The following SYT14 variants were observed in gnomAD, a reference collection of about 807,000 sequenced individuals.
The protein encoded by SYT14 is synaptotagmin 14.
In SYT14, 32 loss-of-function variants were observed where a neutral mutation model predicts 74.2. That is an observed-to-expected ratio of 0.43 (90% CI 0.33 to 0.58). SYT14 has a LOEUF of 0.58. Among genes scored for constraint, SYT14 ranks in the 20% least tolerant of loss-of-function variants. The pLI, the probability that SYT14 is intolerant of heterozygous loss-of-function variation, is 0.05. For missense variants in SYT14, 791 were observed against 981.8 expected (o/e 0.81, Z 2.60); for synonymous variants, 298 against 337.7 (o/e 0.88, Z 1.29).
chr1:210,112,472 T>C (rs2082281840), intron 7 of SYT14, among the ~76,000 whole-genome samples: 1 of 151,386 alleles, frequency 6.6e-6, no homozygotes, highest in East Asian at 1.9e-4. Flanking sequence ...CGGAAGGAGA[T>C]ACTTTCCTTG....
At chr1:210,116,064 A>C (rs1048914185) in intron 7 of SYT14, among the ~76,000 whole-genome samples, 1 of 151,434 alleles carries the variant, frequency 6.6e-6, no homozygotes, top group Non-Finnish European at 1.5e-5. Flanking sequence ...TCAGTGGGGG[A>C]GCTTCTGAGC....
At chr1:210,084,794 C>T (rs1281809266) in intron 5 of SYT14, among the ~76,000 whole-genome samples, 1 of 152,210 alleles carries the variant, frequency 6.6e-6, no homozygotes, top group South Asian at 2.1e-4. Flanking sequence ...CCATCTGGAG[C>T]AACAACTGCA....
At chr1:210,036,335 A>G (rs1037916576) in intron 5 of SYT14, among the ~76,000 whole-genome samples, 1 of 151,960 alleles carries the variant, frequency 6.6e-6, no homozygotes, top group Non-Finnish European at 1.5e-5. Flanking sequence ...AGGAGTCTTT[A>G]GAGAGATGAT....
At chr1:210,165,078 A>G (rs1446448548) in exon 10 of SYT14, 2 of 152,184 alleles carry the variant, frequency 1.3e-5, no homozygotes, top group Non-Finnish European at 2.9e-5. Context: ...AATGTTATCA[A>G]CATTTTATTG....
intron 5 of SYT14, among the ~76,000 whole-genome samples, chr1:210,070,669 A>C (rs2081375737): frequency 6.6e-6 from 1 of 152,064 alleles, no homozygotes; most frequent in Non-Finnish European, 1.5e-5. Flanking sequence ...GTTGTTTACC[A>C]TTTACTGGGA....
At chr1:210,006,417 G>A (rs1009788033) in intron 2 of SYT14, among the ~76,000 whole-genome samples, 1 of 151,816 alleles carries the variant, frequency 6.6e-6, no homozygotes, top group Non-Finnish European at 1.5e-5. Flanking sequence ...CAAACCCAGA[G>A]CAAAATAAAT....
intron 8 of SYT14, 52 bp from the exon 8 acceptor site, chr1:210,159,369 G>A (rs750208711): frequency 7.8e-5 from 119 of 1,520,716 alleles, no homozygotes; most frequent in Non-Finnish European, 9.7e-5. Flanking sequence ...TTCACCCAAC[G>A]ATTGACATCT....
At chr1:209,970,972 G>A (rs1005186364) in intron 2 of SYT14, among the ~76,000 whole-genome samples, 6 of 151,876 alleles carry the variant, frequency 4.0e-5, no homozygotes, top group East Asian at 3.9e-4. Context: ...GAGCCACTGC[G>A]CCCAGGGCAG....
At chr1:210,135,271 C>G (rs1009813753) in intron 7 of SYT14, among the ~76,000 whole-genome samples, 5 of 152,140 alleles carry the variant, frequency 3.3e-5, no homozygotes, top group Admixed American at 6.6e-5. Flanking sequence ...CATGAGCCAC[C>G]GCACCTGGCT....
At chr1:209,995,987 A>G (rs989724631) in intron 2 of SYT14, among the ~76,000 whole-genome samples, 13 of 152,212 alleles carry the variant, frequency 8.5e-5, no homozygotes, top group South Asian at 4.1e-4. Context: ...TAGTTTTAAG[A>G]GAACAGTTTA....
rs560930562 is a variant in SYT14, at chr1:209,956,428, G to C, written c.-486+3672G>C. The stretch of plus-strand genomic sequence containing the variant: ...TGTGGCTCTGGCATCTTCAGCACAT[G>C]GCTTTGGAGGTTACTATGTTCATCT... On this transcript the variant is annotated intron_variant, in intron 2 of 9. Transcript: ENST00000637265. Among the ~76,000 whole-genome samples, 12 of 152,242 alleles carry C rather than the reference G, an allele frequency of 7.9e-5. No individual in the cohort carries two copies. The South Asian group carries it at 1.9e-3, about 24-fold the overall frequency.
intron 2 of SYT14, among the ~76,000 whole-genome samples, chr1:210,003,907 G>C (rs1405492180): frequency 6.6e-6 from 1 of 151,816 alleles, no homozygotes; most frequent in African/African-American, 2.4e-5. Context: ...AACAAATGCT[G>C]TTTCTGTTTG....
intron 2 of SYT14, among the ~76,000 whole-genome samples, chr1:210,007,230 A>G (rs966042455): frequency 1.3e-5 from 2 of 151,952 alleles, no homozygotes; most frequent in African/African-American, 4.8e-5. Context: ...ACAAATAATC[A>G]TTAGTCTTGG....
At chr1:209,962,181 T>C (rs909961755) in intron 2 of SYT14, among the ~76,000 whole-genome samples, 12 of 152,034 alleles carry the variant, frequency 7.9e-5, no homozygotes, top group Non-Finnish European at 1.8e-4. Flanking sequence ...TAATTTAGTT[T>C]TAATTATTTT....
chr1:210,150,278 C>G (rs994491468), intron 7 of SYT14, among the ~76,000 whole-genome samples: 2 of 152,128 alleles, frequency 1.3e-5, no homozygotes. Context: ...TCAATGAGTG[C>G]CTGAAGCTGC....
At chr1:210,044,588 G>T (rs564697593) in intron 5 of SYT14, among the ~76,000 whole-genome samples, 1 of 152,148 alleles carries the variant, frequency 6.6e-6, no homozygotes. Context: ...TTGTAGTTTT[G>T]ATATTAAAGC....
intron 5 of SYT14, among the ~76,000 whole-genome samples, chr1:210,036,942 T>C (rs1044215389): frequency 1.3e-5 from 2 of 152,014 alleles, no homozygotes; most frequent in African/African-American, 4.8e-5. Flanking sequence ...GATACTGGCT[T>C]TGTAGAATGA....
chr1:210,052,112 G>A (rs1391560671), intron 5 of SYT14, among the ~76,000 whole-genome samples: 1 of 151,946 alleles, frequency 6.6e-6, no homozygotes, highest in Non-Finnish European at 1.5e-5. Flanking sequence ...TTGAGCTCTT[G>A]GTTAAGTTAC....
chr1:210,161,502 C>T (rs779107025), exon 10 of SYT14: 11 of 453,874 alleles, frequency 2.4e-5, no homozygotes, highest in Non-Finnish European at 4.4e-5. Context: ...AAAAGTAGTT[C>T]TCCAACTCTA....
Sources: gnomAD v4.1 joint callset for allele counts (sites outside exome capture counted in the v4.1 genomes callset) on GRCh38, gnomAD v4.1.1 for gene constraint, MANE v1.5 for transcripts, NCBI Gene and HGNC (gene_info 2026-07-23, HGNC 2026-07-21) for gene names.